SKAP2: variants seen among roughly 807,000 people sequenced by gnomAD.
SKAP2 encodes src kinase-associated phosphoprotein 2.
In SKAP2, 28 loss-of-function variants were observed where a neutral mutation model predicts 54.9. The observed-to-expected ratio is 0.51, with a 90% confidence interval of 0.38 to 0.70. The LOEUF (loss-of-function observed/expected upper bound fraction) is 0.70, where lower values mean the gene tolerates loss of function less well. Ranked by LOEUF, SKAP2 falls within the 30% of genes least tolerant of loss-of-function variation. The pLI is 0.00. For synonymous variants in SKAP2, 137 were observed against 134.3 expected (o/e 1.02, Z -0.14); for missense variants, 356 against 424.1 (o/e 0.84, Z 1.41).
intron 4 of SKAP2, among the ~76,000 whole-genome samples, chr7:26,765,683 A>G (rs1168400480): frequency 6.6e-6 from 1 of 152,240 alleles, no homozygotes; most frequent in Admixed American, 6.5e-5. Context: ...AGTTTTCTGC[A>G]TATGACTAGG....
At chr7:26,837,779 C>T (rs182033436) in intron 4 of SKAP2, among the ~76,000 whole-genome samples, 44 of 145,966 alleles carry the variant, frequency 3.0e-4, no homozygotes, top group Non-Finnish European at 4.9e-4. Context: ...TAGGAAAGGG[C>T]TAGAAAATCA....
chr7:26,747,713 T>C (rs545275796), intron 4 of SKAP2, among the ~76,000 whole-genome samples: 45 of 152,106 alleles, frequency 3.0e-4, no homozygotes, highest in African/African-American at 1.0e-3. Flanking sequence ...GCTTCTATTT[T>C]ACATCTCTTC....
intron 9 of SKAP2, among the ~76,000 whole-genome samples, chr7:26,701,468 C>T (rs1426936643): frequency 6.6e-6 from 1 of 152,148 alleles, no homozygotes; most frequent in East Asian, 1.9e-4. Context: ...CGCAGTGGCT[C>T]ACACCTGTAA....
intron 4 of SKAP2, among the ~76,000 whole-genome samples, chr7:26,785,362 A>G (rs1437754302): frequency 3.3e-5 from 5 of 151,974 alleles, no homozygotes; most frequent in East Asian, 3.9e-4. Context: ...AATTTTTTGT[A>G]TTTTTAGTAG....
chr7:26,740,970 A>T (rs1782429882), intron 4 of SKAP2, among the ~76,000 whole-genome samples: 1 of 152,182 alleles, frequency 6.6e-6, no homozygotes, highest in Non-Finnish European at 1.5e-5. Context: ...CCTGGGAAAA[A>T]AAAGAGAAAA....
chr7:26,820,200 T>C (rs183971366), intron 4 of SKAP2, among the ~76,000 whole-genome samples: 111 of 152,242 alleles, frequency 7.3e-4, no homozygotes, highest in Admixed American at 2.0e-3. Context: ...TCTTAAAAAA[T>C]CAAATATTTA....
At chr7:26,674,514 C>T (rs570948684) in intron 11 of SKAP2, among the ~76,000 whole-genome samples, 6 of 152,256 alleles carry the variant, frequency 3.9e-5, no homozygotes, top group Admixed American at 2.0e-4. Flanking sequence ...TGTACAACCT[C>T]GGCGTTTTAC....
chr7:26,663,247 G>T (rs1280678136), downstream of SKAP2, among the ~76,000 whole-genome samples: 1 of 152,104 alleles, frequency 6.6e-6, no homozygotes, highest in Non-Finnish European at 1.5e-5. Context: ...GTGTATTTTA[G>T]ACTATGAGAG....
intron 4 of SKAP2, among the ~76,000 whole-genome samples, chr7:26,771,330 T>A (rs982087926): frequency 6.6e-6 from 1 of 152,172 alleles, no homozygotes; most frequent in African/African-American, 2.4e-5. Context: ...AAAACAAATT[T>A]GAACTGTTGT....
At chr7:26,740,151 T>TAA (rs60264987) in intron 4 of SKAP2, among the ~76,000 whole-genome samples, 187 bp from the exon 5 acceptor site, 194 of 129,840 alleles carry the variant, frequency 1.5e-3, no homozygotes, top group African/African-American at 5.0e-3. Context: ...GTCTCAAAAG[T>TAA]AAAAAAAAAA....
chr7:26,679,309 G>T (rs780857703), intron 11 of SKAP2, among the ~76,000 whole-genome samples: 10 of 152,216 alleles, frequency 6.6e-5, no homozygotes, highest in Non-Finnish European at 1.2e-4. Context: ...AAGTACTTAA[G>T]CATATTGTTC....
intron 11 of SKAP2, among the ~76,000 whole-genome samples, chr7:26,683,977 T>A (rs1053131379): frequency 7.9e-5 from 12 of 152,260 alleles, no homozygotes; most frequent in Admixed American, 4.6e-4. Flanking sequence ...CAGAGGGAAA[T>A]TTTTAAATCC....
chr7:26,860,159 G>A (rs755645815), intron 1 of SKAP2, among the ~76,000 whole-genome samples: 2 of 152,042 alleles, frequency 1.3e-5, no homozygotes, highest in African/African-American at 4.8e-5. Flanking sequence ...AATTTGGATT[G>A]GGTAGCTATA....
At chr7:26,686,457 A>G (rs899938924) in intron 10 of SKAP2, among the ~76,000 whole-genome samples, 2 of 152,160 alleles carry the variant, frequency 1.3e-5, no homozygotes, top group Admixed American at 1.3e-4. Flanking sequence ...CAAGGTTGGG[A>G]ATCCAACCAA....
intron 4 of SKAP2, among the ~76,000 whole-genome samples, chr7:26,833,025 C>T (rs1215121912): frequency 2.6e-5 from 4 of 152,152 alleles, no homozygotes; most frequent in African/African-American, 9.7e-5. Context: ...CCAAAGAAGC[C>T]TTCTCCATGA....
intron 4 of SKAP2, among the ~76,000 whole-genome samples, chr7:26,790,877 T>G (rs1783659522): frequency 6.6e-6 from 1 of 152,202 alleles, no homozygotes; most frequent in Non-Finnish European, 1.5e-5. Flanking sequence ...GTCTTGAATA[T>G]AGCAACATTT....
intron 4 of SKAP2, among the ~76,000 whole-genome samples, chr7:26,814,563 C>CA (rs397889100): frequency 0.021 from 1,917 of 89,944 alleles, 30 homozygotes; most frequent in African/African-American, 0.061. Flanking sequence ...CTTACACCAG[C>CA]AAAAAAAAAA....
At chr7:26,853,206 C>T (rs752304378) in intron 3 of SKAP2, among the ~76,000 whole-genome samples, 20 of 152,128 alleles carry the variant, frequency 1.3e-4, no homozygotes, top group Non-Finnish European at 2.6e-4. Context: ...ACTGTTACCA[C>T]CTTCTCACTT....
intron 3 of SKAP2, among the ~76,000 whole-genome samples, 198 bp downstream of exon 3, chr7:26,853,939 C>T (rs1306014229): frequency 6.6e-6 from 1 of 152,138 alleles, no homozygotes; most frequent in Non-Finnish European, 1.5e-5. Flanking sequence ...GAAGACTGTG[C>T]AGAGTAAATT....
Sources: gnomAD v4.1 joint callset for allele counts (sites outside exome capture counted in the v4.1 genomes callset) on GRCh38, gnomAD v4.1.1 for gene constraint, MANE v1.5 for transcripts, NCBI Gene and HGNC (gene_info 2026-07-23, HGNC 2026-07-21) for gene names.